Variants in SBF2 observed in about 807,000 individuals in gnomAD.
SBF2 encodes myotubularin-related protein 13.
SBF2 carries 112 observed loss-of-function variants against 225.2 expected under a neutral mutation model. That is an observed-to-expected ratio of 0.50 (90% CI 0.43 to 0.58). SBF2 has a LOEUF of 0.58. Among genes scored for constraint, SBF2 ranks in the 20% least tolerant of loss-of-function variants. The probability of loss-of-function intolerance (pLI) is 0.00; values close to 1 mark genes in which losing one functional copy is unlikely to be tolerated. For synonymous variants in SBF2, 763 were observed against 773.3 expected, an observed-to-expected ratio of 0.99 and a Z score of 0.22; for missense variants, 1,996 against 2,206.2, an observed-to-expected ratio of 0.90 and a Z score of 1.91.
intron 1 of SBF2, among the ~76,000 whole-genome samples, chr11:10,225,879 C>T (rs960785086): frequency 6.6e-6 from 1 of 152,096 alleles, no homozygotes; most frequent in Middle Eastern, 3.4e-3. Flanking sequence ...ACTCATATAC[C>T]CCACAGTTTG....
chr11:10,077,323 C>G (rs1429045599), intron 2 of SBF2, among the ~76,000 whole-genome samples: 1 of 152,068 alleles, frequency 6.6e-6, no homozygotes, highest in African/African-American at 2.4e-5. Context: ...ATATGGACCC[C>G]AAAAAGGGCC....
chr11:10,006,618 C>A lies in SBF2; in HGVS notation c.620-3929G>T, dbSNP rs564432348. 3.8e-3 allele frequency among the ~76,000 whole-genome samples: 577 copies of A among 152,252 alleles called. 4 individuals are homozygous for A. Among genetic ancestry groups the A allele is most frequent in the South Asian group, 5.0e-3 (24 of 4,818 alleles). Reference sequence around the variant, plus strand: ...GCCCTAAGTCCTCCAGAGGTTACCACTTTATGTTAAGAAGACAAATAAATG... The same window carrying A: ...GCCCTAAGTCCTCCAGAGGTTACCAATTTATGTTAAGAAGACAAATAAATG... On this transcript the variant is annotated intron_variant, in intron 6 of 39. Transcript: ENST00000256190.
intron 1 of SBF2, among the ~76,000 whole-genome samples, chr11:10,287,701 T>TG (rs1322268334): frequency 6.6e-6 from 1 of 152,256 alleles, no homozygotes; most frequent in Non-Finnish European, 1.5e-5. Flanking sequence ...GATATTGTTA[T>TG]GGGATCTTTA....
Position 9,949,122 on chromosome 11 carries a change from G to C in SBF2, c.1860+12835C>G, listed in dbSNP as rs563818801. On this transcript the variant is annotated intron_variant, in intron 16 of 39. Coordinates refer to ENST00000256190, the MANE Select transcript of SBF2 (RefSeq NM_030962.4). Reference sequence around the variant, plus strand: ...AGAAAAGAAGAAGGAATGGGAGGGGGGAGAAGAAAGGTAGAAAGCACAATT... The same window carrying C: ...AGAAAAGAAGAAGGAATGGGAGGGGCGAGAAGAAAGGTAGAAAGCACAATT... Among the ~76,000 whole-genome samples the C allele has an allele frequency of 3.3e-5, 5 of 152,204 alleles. No homozygotes were observed. In the South Asian group the frequency reaches 1.0e-3, roughly 32 times the overall value.
At chr11:10,234,635 T>C (rs879677773) in intron 1 of SBF2, among the ~76,000 whole-genome samples, 1 of 152,206 alleles carries the variant, frequency 6.6e-6, no homozygotes, top group African/African-American at 2.4e-5. Flanking sequence ...ATAACAGCTT[T>C]TATTTGTGTT....
At chr11:10,201,936 ATAAT>A (rs1220405585) in intron 1 of SBF2, among the ~76,000 whole-genome samples, 1 of 152,268 alleles carries the variant, frequency 6.6e-6, no homozygotes, top group African/African-American at 2.4e-5. Context: ...GTCATTAAAA[ATAAT>A]AAATAAACAG....
intron 2 of SBF2, among the ~76,000 whole-genome samples, chr11:10,066,439 A>C (rs1950626843): frequency 6.6e-6 from 1 of 152,004 alleles, no homozygotes; most frequent in Non-Finnish European, 1.5e-5. Flanking sequence ...ACAGGAATAC[A>C]GGGTTGATTT....
At chr11:9,909,657 G>A (rs1425292488) in intron 16 of SBF2, among the ~76,000 whole-genome samples, 24 of 126,266 alleles carry the variant, frequency 1.9e-4, no homozygotes, top group African/African-American at 5.6e-4. Context: ...GTGACAGAGC[G>A]AGACTCTGTC....
chr11:10,276,766 C>T lies in SBF2; in HGVS notation c.55+17249G>A, dbSNP rs925099689. 3.9e-5 allele frequency among the ~76,000 whole-genome samples: 6 copies of T among 152,006 alleles called. No homozygotes were observed. The East Asian group carries it at 1.2e-3, about 29-fold the overall frequency. On this transcript the variant is annotated intron_variant, in intron 1 of 39. Coordinates refer to ENST00000256190, the MANE Select transcript of SBF2 (RefSeq NM_030962.4). ...TTTTTTAAATGAATGAAGATTCAAT[C>T]TGATAGTCTCTGCTTGTAAAACAAG...
intron 16 of SBF2, among the ~76,000 whole-genome samples, chr11:9,933,849 CA>C (rs1217907640): frequency 6.6e-6 from 1 of 152,002 alleles, no homozygotes; most frequent in Non-Finnish European, 1.5e-5. Flanking sequence ...AAAAACCTTT[CA>C]AAAAAATCAA....
chr11:10,096,994 T>C (rs992428202), intron 2 of SBF2, among the ~76,000 whole-genome samples: 2 of 152,204 alleles, frequency 1.3e-5, no homozygotes, highest in Non-Finnish European at 2.9e-5. Flanking sequence ...TAGAACCTAC[T>C]ATTCTCATTG....
chr11:9,864,720 G>A (rs969640277), intron 17 of SBF2, among the ~76,000 whole-genome samples: 8 of 152,056 alleles, frequency 5.3e-5, no homozygotes, highest in African/African-American at 1.7e-4. Context: ...GCCTTCTAAT[G>A]ATTCTGTGTC....
chr11:10,231,203 C>G (rs994525155), intron 1 of SBF2, among the ~76,000 whole-genome samples: 3 of 152,124 alleles, frequency 2.0e-5, no homozygotes, highest in Admixed American at 1.3e-4. Flanking sequence ...TTCTAGTTAG[C>G]CATTCATCTA....
At position 9,915,345 on chromosome 11, in the gene SBF2, G is replaced by A. The variant is rs542504763; in HGVS notation, c.1861-19334C>T. Among the ~76,000 whole-genome samples, 3 of 151,756 alleles carry A rather than the reference G, an allele frequency of 2.0e-5. No individual in the cohort carries two copies. The South Asian group carries it at 6.2e-4, about 32-fold the overall frequency. On this transcript the variant is annotated intron_variant, in intron 16 of 39. Coordinates refer to ENST00000256190, the MANE Select transcript of SBF2 (RefSeq NM_030962.4). ...GCCTGTAGTCCCAGATACTTGGGAG[G>A]CTGAGGCAGGAGAATTGCTTGAACC...
At chr11:9,862,586 A>G (rs1018916936) in intron 17 of SBF2, among the ~76,000 whole-genome samples, 2 of 152,202 alleles carry the variant, frequency 1.3e-5, no homozygotes, top group Non-Finnish European at 2.9e-5. Flanking sequence ...TACAAAACAA[A>G]CCTGTAATAT....
At chr11:9,858,065 T>C (rs1857446440) in intron 18 of SBF2, among the ~76,000 whole-genome samples, 161 bp downstream of exon 18, 1 of 152,180 alleles carries the variant, frequency 6.6e-6, no homozygotes, top group African/African-American at 2.4e-5. Context: ...AAAAACATAA[T>C]GTCTGAAATC....
At chr11:10,003,446 C>A (rs947835118) in intron 6 of SBF2, among the ~76,000 whole-genome samples, 2 of 151,600 alleles carry the variant, frequency 1.3e-5, no homozygotes, top group Non-Finnish European at 2.9e-5. Flanking sequence ...CAGCTCACTG[C>A]AAGCTCTGCC....
chr11:10,292,983 G>A (rs527719901), intron 1 of SBF2, among the ~76,000 whole-genome samples: 1 of 152,334 alleles, frequency 6.6e-6, no homozygotes, highest in African/African-American at 2.4e-5. Context: ...TGGACCAAGA[G>A]TGGGTAGAAC....
intron 16 of SBF2, among the ~76,000 whole-genome samples, chr11:9,948,813 T>C (rs1415288776): frequency 2.6e-5 from 4 of 152,234 alleles, no homozygotes; most frequent in African/African-American, 9.6e-5. Context: ...ATATGATTCA[T>C]TCTAGCTTTC....
Sources: allele counts gnomAD v4.1 joint callset (sites outside exome capture counted in the v4.1 genomes callset), GRCh38; gene constraint gnomAD v4.1.1; transcripts MANE v1.5; gene names NCBI Gene and HGNC (gene_info 2026-07-23, HGNC 2026-07-21).